RNF13: variants seen among roughly 807,000 people sequenced by gnomAD.
RNF13 encodes E3 ubiquitin-protein ligase RNF13.
In RNF13, 19 loss-of-function variants were observed where a neutral mutation model predicts 37.7. The observed-to-expected ratio is 0.50, with a 90% confidence interval of 0.35 to 0.74. RNF13 has a LOEUF of 0.74. RNF13 is among the 30% of genes least tolerant of loss of function. The pLI is 0.01. For synonymous variants in RNF13, 144 were observed against 157.8 expected, an observed-to-expected ratio of 0.91 and a Z score of 0.65; for missense variants, 375 against 453.0, an observed-to-expected ratio of 0.83 and a Z score of 1.56.
intron 8 of RNF13, chr3:149,939,915 T>C (rs1559964889): frequency 6.7e-6 from 2 of 296,442 alleles, no homozygotes; most frequent in Non-Finnish European, 1.3e-5. Flanking sequence ...ATATTTAAAG[T>C]GGGTTTCTTT....
At chr3:149,893,149 T>C (rs1220846657) in intron 4 of RNF13, among the ~76,000 whole-genome samples, 9 of 152,330 alleles carry the variant, frequency 5.9e-5, no homozygotes, top group Admixed American at 2.6e-4. Context: ...GATACAGTTA[T>C]CTTACTCATT....
intron 3 of RNF13, among the ~76,000 whole-genome samples, chr3:149,868,385 G>A (rs1487357036): frequency 2.6e-5 from 4 of 151,508 alleles, no homozygotes; most frequent in Admixed American, 2.6e-4. Context: ...TTTCTTGTAA[G>A]ACAGGCCTGG....
At chr3:149,933,190 C>T (rs949864779) in intron 8 of RNF13, among the ~76,000 whole-genome samples, 2 of 151,932 alleles carry the variant, frequency 1.3e-5, no homozygotes, top group African/African-American at 4.8e-5. Flanking sequence ...AGAGGCTCCG[C>T]AGGCCTGACC....
intron 6 of RNF13, among the ~76,000 whole-genome samples, chr3:149,910,013 A>G (rs1037649866): frequency 7.9e-5 from 12 of 152,170 alleles, no homozygotes; most frequent in African/African-American, 2.6e-4. Flanking sequence ...CTAAGTTACA[A>G]TGGGTTGAAT....
intron 4 of RNF13, among the ~76,000 whole-genome samples, chr3:149,875,851 A>C (rs1444061398): frequency 3.8e-4 from 1 of 2,640 alleles, no homozygotes; most frequent in East Asian, 0.014. Context: ...AGGAAAAGCG[A>C]AACAGTGCTA....
intron 8 of RNF13, among the ~76,000 whole-genome samples, chr3:149,947,983 T>C (rs931429482): frequency 7.2e-5 from 11 of 152,136 alleles, no homozygotes; most frequent in African/African-American, 2.7e-4. Flanking sequence ...GGAGTCTTGC[T>C]CTGTCACCCA....
chr3:149,920,549 A>G (rs983968415), intron 7 of RNF13, among the ~76,000 whole-genome samples: 26 of 152,114 alleles, frequency 1.7e-4, no homozygotes, highest in African/African-American at 6.0e-4. Flanking sequence ...GACATAGTCA[A>G]ATTTTTCCTT....
intron 4 of RNF13, among the ~76,000 whole-genome samples, chr3:149,889,460 A>ACTG (rs1553761989): frequency 2.8e-5 from 4 of 145,326 alleles, no homozygotes; most frequent in East Asian, 4.2e-4. Context: ...GTGTGCCACC[A>ACTG]TGCCCAGCTA....
chr3:149,898,062 G>A (rs1011977877), intron 5 of RNF13, among the ~76,000 whole-genome samples: 8 of 152,160 alleles, frequency 5.3e-5, no homozygotes, highest in East Asian at 3.8e-4. Flanking sequence ...GCGCCCTCAG[G>A]AAAGTTACTT....
At chr3:149,888,535 C>T (rs2108477133) in intron 4 of RNF13, among the ~76,000 whole-genome samples, 1 of 152,286 alleles carries the variant, frequency 6.6e-6, no homozygotes, top group African/African-American at 2.4e-5. Flanking sequence ...CTCTGTTCTT[C>T]AAACATTACA....
chr3:149,864,841 A>G (rs1724639872), intron 3 of RNF13, among the ~76,000 whole-genome samples: 1 of 152,220 alleles, frequency 6.6e-6, no homozygotes, highest in Non-Finnish European at 1.5e-5. Context: ...CTCAAATAAA[A>G]AAGAAATTAT....
chr3:149,895,444 AATTT>A, intron 4 of RNF13, 25 bp from the exon 5 acceptor site: 8 of 1,037,628 alleles, frequency 7.7e-6, no homozygotes, highest in Middle Eastern at 4.6e-4. Context: ...CTTATAACAT[AATTT>A]TTTTTTTTTT....
At chr3:149,846,584 G>A (rs1228221983) in intron 2 of RNF13, among the ~76,000 whole-genome samples, 1 of 152,178 alleles carries the variant, frequency 6.6e-6, no homozygotes, top group Non-Finnish European at 1.5e-5. Flanking sequence ...GGGATTACAG[G>A]TGTGAGCCAC....
chr3:149,960,831 T>TTCAGAC lies in RNF13; in HGVS notation c.876_881dup (p.Ser294_Asp295dup). The stretch of plus-strand genomic sequence containing the variant: ...AAAAAGTTGTTCCTTCTCAAGGCGA[T>TTCAGAC]TCAGACTCTGACACAGACAGTAGTC... On this transcript the variant is annotated inframe_insertion, in exon 10 of 10. Coordinates refer to ENST00000392894, the MANE Select transcript of RNF13 (RefSeq NM_183381.3). The TTCAGAC allele has an allele frequency of 1.9e-6, 3 of 1,614,204 alleles. No individual in the cohort carries two copies. The highest frequency in any genetic ancestry group is 2.5e-6 in the Non-Finnish European group (3 of 1,180,036).
chr3:149,880,400 ATATT>A (rs1455607297), intron 4 of RNF13, among the ~76,000 whole-genome samples: 1 of 152,212 alleles, frequency 6.6e-6, no homozygotes, highest in Non-Finnish European at 1.5e-5. Flanking sequence ...TAACTAGAGA[ATATT>A]TATGAATAGC....
intron 6 of RNF13, among the ~76,000 whole-genome samples, chr3:149,909,253 C>T (rs1716732478): frequency 6.6e-6 from 1 of 151,142 alleles, no homozygotes; most frequent in South Asian, 2.1e-4. Flanking sequence ...GTACATTGAG[C>T]TTTTGATTCA....
intron 1 of RNF13, among the ~76,000 whole-genome samples, chr3:149,840,304 C>G (rs1722045702): frequency 6.6e-6 from 1 of 152,112 alleles, no homozygotes; most frequent in Non-Finnish European, 1.5e-5. Context: ...TGGTAGTTCT[C>G]AAGAGTTTCT....
At chr3:149,912,549 A>G (rs979714483) in intron 7 of RNF13, among the ~76,000 whole-genome samples, 1 of 152,182 alleles carries the variant, frequency 6.6e-6, no homozygotes, top group South Asian at 2.1e-4. Context: ...TTTAAAATAC[A>G]CTGTAAAAAA....
chr3:149,853,454 G>GT (rs1491528993), intron 3 of RNF13, among the ~76,000 whole-genome samples: 1 of 96,402 alleles, frequency 1.0e-5, no homozygotes. Context: ...GAGAGAGAGA[G>GT]GGAGAGAGAG....
Sources: allele counts gnomAD v4.1 joint callset (sites outside exome capture counted in the v4.1 genomes callset), GRCh38; gene constraint gnomAD v4.1.1; transcripts MANE v1.5; gene names NCBI Gene and HGNC (gene_info 2026-07-23, HGNC 2026-07-21).